The following PRDM10 variants were observed in gnomAD, a reference collection of about 807,000 sequenced individuals.
PRDM10 encodes PR/SET domain 10.
A neutral mutation model predicts 133.1 loss-of-function variants in PRDM10; 65 were observed. That is an observed-to-expected ratio of 0.49 (90% CI 0.40 to 0.60). PRDM10 has a LOEUF of 0.60. PRDM10 is among the 20% of genes least tolerant of loss of function. The pLI, the probability that PRDM10 is intolerant of heterozygous loss-of-function variation, is 0.00. For missense variants in PRDM10, 1,137 were observed against 1,507.1 expected, an observed-to-expected ratio of 0.75 and a Z score of 4.07; for synonymous variants, 582 against 580.4, an observed-to-expected ratio of 1.00 and a Z score of -0.04.
intron 1 of PRDM10, among the ~76,000 whole-genome samples, chr11:129,978,868 CA>C (rs1489880755): frequency 6.6e-6 from 1 of 152,054 alleles, no homozygotes; most frequent in Non-Finnish European, 1.5e-5. Flanking sequence ...TTTCATGTAC[CA>C]AAAAACAAAG....
In PRDM10 at chr11:129,902,168, C is replaced by T. The variant is rs1949859026; in HGVS notation, c.*145G>A. ...AAAGATGACCTTGGCAAAATAAACC[C>T]CAGTGTATGGATGAGAGACAAAACT... On this transcript the variant is annotated 3_prime_UTR_variant, in exon 21 of 21. Coordinates refer to ENST00000360871, the MANE Select transcript of PRDM10 (RefSeq NM_199437.2). 8 of 1,145,416 alleles carry T rather than the reference C, an allele frequency of 7.0e-6. No individual in the cohort carries two copies. In the South Asian group the frequency reaches 1.2e-4, roughly 17 times the overall value. The allele number at this position is 1,145,416 out of a possible 1,614,324, so 71.0% of individuals were successfully genotyped here. A position where few individuals can be genotyped will look rare whatever the true frequency, so the allele number is the denominator to read the frequency against.
At position 129,902,521 on chromosome 11, in the gene PRDM10, A is replaced by C; in HGVS notation, c.3268-5T>G. The C allele has an allele frequency of 6.2e-7, 1 of 1,612,812 alleles. No individual in the cohort carries two copies. The highest frequency in any genetic ancestry group is 8.5e-7 in the Non-Finnish European group (1 of 1,179,284). ...TTCTGATAACACATAATGACCCTAG[A>C]GGAAGAAGAAAAGGATCCTTAAAAA... On this transcript the variant is annotated splice_region_variant and splice_polypyrimidine_tract_variant and intron_variant, in intron 20 of 20. Coordinates refer to ENST00000360871, the MANE Select transcript of PRDM10 (RefSeq NM_199437.2).
intron 1 of PRDM10, among the ~76,000 whole-genome samples, chr11:129,991,336 T>A (rs1938731520): frequency 1.3e-5 from 2 of 152,250 alleles, no homozygotes; most frequent in Non-Finnish European, 2.9e-5. Flanking sequence ...TTAACTGATG[T>A]ATTTCACCAG....
At chr11:129,960,453 T>C (rs1415325513) in intron 2 of PRDM10, among the ~76,000 whole-genome samples, 1 of 152,162 alleles carries the variant, frequency 6.6e-6, no homozygotes, top group Non-Finnish European at 1.5e-5. Context: ...AGTGGCTGAC[T>C]CATAATGGAA....
rs1950437384 is a variant in PRDM10 at position 129,918,846 on chromosome 11, G to A, written c.2035-128C>T. The A allele has an allele frequency of 1.1e-6, 1 of 903,218 alleles. No individual in the cohort carries two copies. The highest frequency in any genetic ancestry group is 1.7e-6 in the Non-Finnish European group (1 of 587,710). 56.0% of individuals were successfully genotyped at this position (903,218 alleles called of 1,614,324 possible). A position where few individuals can be genotyped will look rare whatever the true frequency, so the allele number is the denominator to read the frequency against. On this transcript the variant is annotated intron_variant, in intron 13 of 20. Coordinates refer to ENST00000360871, the MANE Select transcript of PRDM10 (RefSeq NM_199437.2). This position sits in a 1 kb window ranked among gnomAD's most constrained non-coding sequence, Gnocchi z 5.3. ...GCCTCCAAGAGACATTTGAGTTGCT[G>A]GAACACTAGGACGCAGACATGTTAA... is the stretch of plus-strand genomic sequence containing the variant.
Position 129,923,178 on chromosome 11 carries a change from C to A in PRDM10, c.2034+70G>T. 6.8e-7 allele frequency: 1 copy of A among 1,465,530 alleles called. No homozygotes were observed. Among genetic ancestry groups the A allele is most frequent in the Non-Finnish European group, 9.1e-7 (1 of 1,097,280 alleles). 90.8% of individuals were successfully genotyped at this position (1,465,530 alleles called of 1,614,324 possible). On this transcript the variant is annotated intron_variant, in intron 13 of 20. Coordinates refer to ENST00000360871, the MANE Select transcript of PRDM10 (RefSeq NM_199437.2). This position sits in a 1 kb window ranked among gnomAD's most constrained non-coding sequence, Gnocchi z 4.4. ...GTGATAAACTGATGAAATGAACAGGCATTTACCCTCAGCTTGCTATAATTC... is the reference window on the plus strand; with the variant it reads ...GTGATAAACTGATGAAATGAACAGGAATTTACCCTCAGCTTGCTATAATTC...
At chr11:129,914,422 G>T in intron 17 of PRDM10, 1 of 505,174 alleles carries the variant, frequency 2.0e-6, no homozygotes, top group Non-Finnish European at 3.6e-6. Context: ...AGGATCAGAA[G>T]AGGGTCAGAA....
At chr11:129,932,313 A>C (rs1435283426) in intron 9 of PRDM10, 82 bp from the exon 10 acceptor site, 5 of 1,513,290 alleles carry the variant, frequency 3.3e-6, no homozygotes, top group Non-Finnish European at 4.5e-6. Flanking sequence ...ATCCTTACTA[A>C]CCCCAGAGTT....
At chr11:129,929,496 CATTACCA>C in intron 11 of PRDM10, 18 of 1,297,906 alleles carry the variant, frequency 1.4e-5, no homozygotes, top group Non-Finnish European at 1.9e-5. Flanking sequence ...TTCAGTTGGT[CATTACCA>C]ATCTGGATAG....
chr11:129,983,297 C>G (rs981144057), intron 1 of PRDM10, among the ~76,000 whole-genome samples: 1 of 139,254 alleles, frequency 7.2e-6, no homozygotes, highest in Non-Finnish European at 1.5e-5. Flanking sequence ...TTTTATTTCT[C>G]CTTTTTTTTT....
At chr11:129,955,395 A>G (rs1372539237) in intron 4 of PRDM10, 117 bp downstream of exon 4, 3 of 927,102 alleles carry the variant, frequency 3.2e-6, no homozygotes, top group East Asian at 2.6e-5. Context: ...GCTGGAGAAC[A>G]TTCTTAGTAC....
chr11:129,982,783 C>A (rs1291121155), intron 1 of PRDM10, among the ~76,000 whole-genome samples: 1 of 151,794 alleles, frequency 6.6e-6, no homozygotes, highest in Non-Finnish European at 1.5e-5. Context: ...AGACCTCCCC[C>A]CAACCATCTC....
At chr11:129,998,033 T>C (rs1939151715) in intron 1 of PRDM10, among the ~76,000 whole-genome samples, 3 of 152,230 alleles carry the variant, frequency 2.0e-5, no homozygotes, top group South Asian at 2.1e-4. Context: ...GCAAGCCACA[T>C]ACATAATTTA....
intron 18 of PRDM10, among the ~76,000 whole-genome samples, chr11:129,911,620 C>T (rs370504990): frequency 6.6e-6 from 1 of 152,180 alleles, no homozygotes; most frequent in East Asian, 1.9e-4. Flanking sequence ...CAGAACTGTA[C>T]CCCTCCTTCA....
chr11:129,927,665 T>G (rs1452038843), intron 11 of PRDM10, among the ~76,000 whole-genome samples: 1 of 152,198 alleles, frequency 6.6e-6, no homozygotes, highest in Non-Finnish European at 1.5e-5. Context: ...TGACAAACTT[T>G]ATCATCTTTT....
chr11:129,997,804 G>C (rs1040102677), intron 1 of PRDM10, among the ~76,000 whole-genome samples: 1 of 152,070 alleles, frequency 6.6e-6, no homozygotes, highest in East Asian at 1.9e-4. Flanking sequence ...TTCAGTAACA[G>C]TTAACTCAAT....
intron 1 of PRDM10, among the ~76,000 whole-genome samples, chr11:129,966,594 A>C (rs1186682541): frequency 1.3e-5 from 2 of 152,174 alleles, no homozygotes; most frequent in African/African-American, 2.4e-5. Flanking sequence ...GCAGGGCATA[A>C]ATTTTATTAG....
At chr11:129,979,287 T>C (rs1454819404) in intron 1 of PRDM10, among the ~76,000 whole-genome samples, 6 of 152,082 alleles carry the variant, frequency 3.9e-5, no homozygotes. Flanking sequence ...TGAGAGCTGC[T>C]CTCAGAGGAA....
chr11:129,942,465 A>G lies in PRDM10; in HGVS notation c.927T>C (p.Tyr309=), dbSNP rs764196854. 7 of 1,614,026 alleles carry G rather than the reference A, an allele frequency of 4.3e-6. No individual in the cohort carries two copies. The East Asian group carries it at 6.7e-5, about 15-fold the overall frequency. Reference sequence around the variant, plus strand: ...TGGGCTCCACATTTTTTATGGTTGTATAATACACATGGTGGCCATACTGGT... The same window carrying G: ...TGGGCTCCACATTTTTTATGGTTGTGTAATACACATGGTGGCCATACTGGT... ...VAYQYGHHVY[Y]TTIKNVEPKQ... Residue 309 remains tyrosine, a synonymous_variant, in exon 7 of 21, where the codon TAT becomes TAC. Transcript: ENST00000360871.
Sources: allele counts gnomAD v4.1 joint callset (sites outside exome capture counted in the v4.1 genomes callset), GRCh38; gene constraint gnomAD v4.1.1; non-coding constraint Gnocchi (gnomAD v3.1); transcripts MANE v1.5; gene names NCBI Gene and HGNC (gene_info 2026-07-23, HGNC 2026-07-21).